CRTC1: variants seen among roughly 807,000 people sequenced by gnomAD.
CRTC1 encodes CREB regulated transcription coactivator 1.
Under a neutral mutation model 66.1 loss-of-function variants are expected in CRTC1, and 18 were observed. That is an observed-to-expected ratio of 0.27 (90% CI 0.19 to 0.40). CRTC1 has a LOEUF of 0.40. CRTC1 is among the 10% of genes least tolerant of loss of function. CRTC1 has a pLI of 1.00. For synonymous variants in CRTC1, 416 were observed against 398.8 expected (o/e 1.04, Z -0.51); for missense variants, 669 against 887.9 (o/e 0.75, Z 3.13).
chr19:18,696,691 G>T (rs956801571), intron 1 of CRTC1, among the ~76,000 whole-genome samples: 1 of 152,066 alleles, frequency 6.6e-6, no homozygotes, highest in Admixed American at 6.5e-5. Flanking sequence ...AACATTCTTT[G>T]TGTTTGTCCC....
intron 5 of CRTC1, among the ~76,000 whole-genome samples, chr19:18,753,224 T>G (rs771710362): frequency 1.3e-5 from 2 of 151,790 alleles, no homozygotes; most frequent in African/African-American, 4.8e-5. Flanking sequence ...TGCAGTGAGC[T>G]GAGATTGTGC....
chr19:18,724,647 G>A (rs577722917), intron 1 of CRTC1, among the ~76,000 whole-genome samples: 10 of 150,018 alleles, frequency 6.7e-5, no homozygotes, highest in Non-Finnish European at 1.2e-4. Context: ...TGGCTGCATC[G>A]CCCCAATCCC....
chr19:18,687,745 CG>C (rs775996626), intron 1 of CRTC1, among the ~76,000 whole-genome samples: 2 of 152,104 alleles, frequency 1.3e-5, no homozygotes, highest in Non-Finnish European at 2.9e-5. Context: ...GTCTTGCTGC[CG>C]TGGAAGGCCA....
intron 1 of CRTC1, among the ~76,000 whole-genome samples, chr19:18,701,818 A>G (rs1382661681): frequency 6.6e-6 from 1 of 150,690 alleles, no homozygotes; most frequent in Non-Finnish European, 1.5e-5. Flanking sequence ...GGGTTTCACC[A>G]TGTTGGTCGG....
rs2055014270 is a variant in CRTC1, at chr19:18,777,377, C to T, written c.1900C>T (p.Leu634=). 2 of 1,602,408 alleles carry T rather than the reference C, an allele frequency of 1.2e-6. No individual in the cohort carries two copies. Among genetic ancestry groups the T allele is most frequent in the African/African-American group, 1.3e-5 (1 of 74,930 alleles). Reference sequence around the variant, plus strand: ...CGAGGACACCTTCCGGATGGACCGCCTGTGAGCGGGCACGCCGGCACCCTG... The same window carrying T: ...CGAGGACACCTTCCGGATGGACCGCTTGTGAGCGGGCACGCCGGCACCCTG... ...ATEDTFRMDR[L] Residue 634 remains leucine (L), a synonymous_variant, in exon 14 of 14, where the codon CTG becomes TTG. Transcript: ENST00000321949. This position sits in a 1 kb window ranked among gnomAD's most constrained non-coding sequence, Gnocchi z 5.5.
intron 1 of CRTC1, among the ~76,000 whole-genome samples, chr19:18,700,092 C>A (rs993394709): frequency 6.6e-6 from 1 of 152,184 alleles, no homozygotes; most frequent in African/African-American, 2.4e-5. Flanking sequence ...TCTCAGGGAG[C>A]CCCACACTGG....
intron 6 of CRTC1, among the ~76,000 whole-genome samples, chr19:18,754,100 CAAAA>C (rs35678786): frequency 3.7e-5 from 3 of 80,766 alleles, no homozygotes; most frequent in African/African-American, 9.5e-5. Flanking sequence ...GACTCCATCT[CAAAA>C]AAAAAAAAAA....
At chr19:18,738,200 C>A (rs2054039578) in intron 1 of CRTC1, among the ~76,000 whole-genome samples, 1 of 152,036 alleles carries the variant, frequency 6.6e-6, no homozygotes, top group African/African-American at 2.4e-5. Context: ...GCCTGTGGCC[C>A]CAGATACTCA....
chr19:18,686,540 G>A (rs1164057284), intron 1 of CRTC1, among the ~76,000 whole-genome samples: 4 of 152,152 alleles, frequency 2.6e-5, no homozygotes, highest in Non-Finnish European at 2.9e-5. Context: ...CCAGCTACTC[G>A]GGAGGCTTAG....
intron 1 of CRTC1, among the ~76,000 whole-genome samples, chr19:18,737,130 G>T (rs1024739710): frequency 5.9e-5 from 9 of 152,134 alleles, no homozygotes; most frequent in Non-Finnish European, 2.9e-5. Flanking sequence ...CTTAGCAGGA[G>T]TGTGGACGTG....
At chr19:18,691,196 A>AC (rs2052825708) in intron 1 of CRTC1, among the ~76,000 whole-genome samples, 1 of 151,064 alleles carries the variant, frequency 6.6e-6, no homozygotes, top group South Asian at 2.1e-4. Context: ...TGTCTCAAAA[A>AC]AAAAAAAAAG....
intron 1 of CRTC1, among the ~76,000 whole-genome samples, chr19:18,685,099 C>T (rs951108811): frequency 6.6e-6 from 1 of 152,192 alleles, no homozygotes; most frequent in African/African-American, 2.4e-5. Flanking sequence ...GTAGACTTAA[C>T]CTCAGTCTCT....
intron 1 of CRTC1, among the ~76,000 whole-genome samples, chr19:18,730,459 A>G (rs2053861299): frequency 6.6e-6 from 1 of 152,054 alleles, no homozygotes; most frequent in East Asian, 1.9e-4. Context: ...CTCCCAGTGT[A>G]CTGGGGCCCC....
At chr19:18,766,572 A>C (rs2054741831) in intron 9 of CRTC1, among the ~76,000 whole-genome samples, 1 of 151,584 alleles carries the variant, frequency 6.6e-6, no homozygotes, top group Admixed American at 6.6e-5. Flanking sequence ...CAGCCACCTG[A>C]GTAGCTGGGA....
At position 18,747,042 on chromosome 19, in the gene CRTC1, A is replaced by G. The variant is rs1265582243; in HGVS notation, c.382-11A>G. On this transcript the variant is annotated splice_polypyrimidine_tract_variant and intron_variant, in intron 3 of 13. Transcript: ENST00000321949. ...CTCAGCCAGTGGCACTGCCCCCTTA[A>G]CTCACCTCACGCCGACAGCTGCCCC... The G allele has an allele frequency of 6.2e-7, 1 of 1,608,100 alleles. No homozygotes were observed.
intron 1 of CRTC1, among the ~76,000 whole-genome samples, chr19:18,730,339 C>T (rs1354156254): frequency 6.6e-6 from 1 of 152,070 alleles, no homozygotes; most frequent in East Asian, 1.9e-4. Context: ...TGGTGAACAC[C>T]GAGCCCCCCT....
intron 1 of CRTC1, 137 bp from the exon 2 acceptor site, chr19:18,742,773 G>A: frequency 1.5e-6 from 1 of 669,634 alleles, no homozygotes; most frequent in East Asian, 2.5e-5. Context: ...TTAAGCATCT[G>A]GGTCATGAGG....
chr19:18,712,332 C>T (rs1314921382), intron 1 of CRTC1, among the ~76,000 whole-genome samples: 12 of 152,138 alleles, frequency 7.9e-5, no homozygotes, highest in African/African-American at 2.9e-4. Context: ...GATGTTGGTT[C>T]ACTGTAGCCT....
At chr19:18,693,387 T>TAA (rs58765850) in intron 1 of CRTC1, among the ~76,000 whole-genome samples, 78 of 145,888 alleles carry the variant, frequency 5.3e-4, no homozygotes, top group African/African-American at 8.8e-4. Context: ...AGACACCGTC[T>TAA]AAAAAAAAAA....
Sources: allele counts gnomAD v4.1 joint callset (sites outside exome capture counted in the v4.1 genomes callset), GRCh38; gene constraint gnomAD v4.1.1; non-coding constraint Gnocchi (gnomAD v3.1); transcripts MANE v1.5; gene names NCBI Gene and HGNC (gene_info 2026-07-23, HGNC 2026-07-21).